The following GPR89A variants were observed in gnomAD, a reference collection of about 807,000 sequenced individuals.
The protein encoded by GPR89A is G protein-coupled receptor 89A.
A neutral mutation model predicts 52.0 loss-of-function variants in GPR89A; 16 were observed. The ratio of observed to expected loss-of-function variants is 0.31; its 90% CI spans 0.21 to 0.47. GPR89A has a LOEUF of 0.47. Among genes scored for constraint, GPR89A ranks in the 20% least tolerant of loss-of-function variants. The pLI, the probability that GPR89A is intolerant of heterozygous loss-of-function variation, is 1.00. For missense variants in GPR89A, 135 were observed against 449.4 expected, an observed-to-expected ratio of 0.30 and a Z score of 6.33; for synonymous variants, 55 against 150.9, an observed-to-expected ratio of 0.36 and a Z score of 4.66.
chr1:145,608,155 A>T lies in GPR89A; in HGVS notation c.22A>T (p.Ser8Cys), dbSNP rs587680156. The change falls in exon 1 of 14, where the codon AGC becomes TGC. Residue 8 changes from serine to cysteine, a missense_variant. Ser to Cys is a moderately radical substitution (Grantham distance 112, BLOSUM62 -1). Coordinates refer to ENST00000313835, the MANE Select transcript of GPR89A (RefSeq NM_001097612.2). ...CGCCATGAGTTTCCTCATCGACTCC[A>T]GCATCATGATTACCTCCCAGGTGAG... MSFLIDS[S>C]IMITSQILFF... The T allele has an allele frequency of 6.2e-7, 1 of 1,613,700 alleles. No individual in the cohort carries two copies. The highest frequency in any genetic ancestry group is 1.1e-5 in the South Asian group (1 of 91,078).
intron 3 of GPR89A, among the ~76,000 whole-genome samples, chr1:145,621,120 T>G (rs1433765561): frequency 7.1e-4 from 108 of 151,914 alleles, no homozygotes; most frequent in Non-Finnish European, 1.4e-3. Context: ...GCTCTTTGTT[T>G]CGTGATGCCT....
intron 1 of GPR89A, among the ~76,000 whole-genome samples, chr1:145,610,349 G>A (rs587639524): frequency 2.0e-5 from 3 of 152,140 alleles, no homozygotes; most frequent in Admixed American, 6.5e-5. Flanking sequence ...GGCTTTTCAG[G>A]TCCCTTATTG....
Position 145,659,325 on chromosome 1 carries a change from C to T in GPR89A, c.910-4004C>T, listed in dbSNP as rs1553695082. Among the ~76,000 whole-genome samples the T allele has an allele frequency of 2.0e-5, 3 of 152,046 alleles. No individual in the cohort carries two copies. In the East Asian group the frequency reaches 5.8e-4, roughly 30 times the overall value. On this transcript the variant is annotated intron_variant, in intron 10 of 13. Coordinates refer to ENST00000313835, the MANE Select transcript of GPR89A (RefSeq NM_001097612.2). ...TCAGCGTCCCAAGTAGCTGAGGTTA[C>T]AGGCGCATGCAACCACTCCCGGCTA...
chr1:145,640,272 GA>G (rs1179077991), intron 7 of GPR89A, among the ~76,000 whole-genome samples: 6 of 57,532 alleles, frequency 1.0e-4, no homozygotes, highest in African/African-American at 2.9e-4. Context: ...AAAACTTTCA[GA>G]AAAAAAAAAA....
intron 2 of GPR89A, 65 bp downstream of exon 2, chr1:145,616,358 A>T: frequency 7.5e-7 from 1 of 1,331,942 alleles, no homozygotes; most frequent in Non-Finnish European, 1.1e-6. Context: ...AAATGTCTCC[A>T]TTAAAGAAAC....
At chr1:145,658,989 G>A (rs1352952811) in intron 10 of GPR89A, among the ~76,000 whole-genome samples, 2 of 151,994 alleles carry the variant, frequency 1.3e-5, no homozygotes, top group Admixed American at 6.6e-5. Flanking sequence ...TGTTGGCCAG[G>A]CTGGTCTCAA....
chr1:145,642,366 G>C (rs1481444596), intron 7 of GPR89A, among the ~76,000 whole-genome samples: 1 of 151,658 alleles, frequency 6.6e-6, no homozygotes, highest in African/African-American at 2.4e-5. Flanking sequence ...TTACAAGTCA[G>C]AATCTCCCTA....
At chr1:145,637,894 G>T (rs1429189800) in intron 7 of GPR89A, among the ~76,000 whole-genome samples, 1 of 151,292 alleles carries the variant, frequency 6.6e-6, no homozygotes, top group Non-Finnish European at 1.5e-5. Flanking sequence ...AATTCAGGCT[G>T]GGCATGGTGG....
chr1:145,661,666 C>T (rs1652211646), intron 10 of GPR89A, among the ~76,000 whole-genome samples: 1 of 149,394 alleles, frequency 6.7e-6, no homozygotes, highest in Non-Finnish European at 1.5e-5. Flanking sequence ...TCATTGATTT[C>T]TGCTCTGGTC....
chr1:145,619,531 G>A (rs1648966053), intron 3 of GPR89A, among the ~76,000 whole-genome samples: 1 of 152,038 alleles, frequency 6.6e-6, no homozygotes, highest in Admixed American at 6.5e-5. Flanking sequence ...AGGATCCCTT[G>A]AGCCCAGGAG....
chr1:145,662,698 TC>T (rs1271616216), intron 10 of GPR89A, among the ~76,000 whole-genome samples: 2 of 152,182 alleles, frequency 1.3e-5, no homozygotes, highest in African/African-American at 2.4e-5. Flanking sequence ...GCTGTCACAC[TC>T]CAGTGGCAGA....
At chr1:145,635,074 C>G (rs1650131937) in intron 7 of GPR89A, among the ~76,000 whole-genome samples, 1 of 152,086 alleles carries the variant, frequency 6.6e-6, no homozygotes, top group Non-Finnish European at 1.5e-5. Context: ...GTAGTAAGAC[C>G]CATAGTCAAG....
intron 5 of GPR89A, among the ~76,000 whole-genome samples, chr1:145,624,466 T>C (rs1445317084): frequency 1.4e-5 from 2 of 148,136 alleles, no homozygotes; most frequent in African/African-American, 5.2e-5. Flanking sequence ...AGAGAGCCCA[T>C]CTGTAATAAA....
intron 10 of GPR89A, among the ~76,000 whole-genome samples, chr1:145,658,030 C>T (rs1171532634): frequency 2.0e-5 from 3 of 151,522 alleles, no homozygotes; most frequent in Non-Finnish European, 2.9e-5. Context: ...CTCCAATTCC[C>T]ACTCCCTCAG....
At position 145,608,067 on chromosome 1, in the gene GPR89A, G is replaced by C. The variant is rs1307010903; in HGVS notation, c.-67G>C. ...GAAGGCAGACCGTGTGAGGGGGCCT[G>C]TGGCCCCAGCGTGCTGTGGCCTCGG... On this transcript the variant is annotated 5_prime_UTR_variant, in exon 1 of 14. Transcript: ENST00000313835. The C allele has an allele frequency of 7.6e-6, 12 of 1,580,906 alleles. No homozygotes were observed. The highest frequency in any genetic ancestry group is 7.8e-6 in the Non-Finnish European group (9 of 1,151,542).
intron 1 of GPR89A, among the ~76,000 whole-genome samples, chr1:145,611,762 G>A (rs149671037): frequency 0.037 from 5,523 of 150,822 alleles, 318 homozygotes; most frequent in African/African-American, 0.13. Flanking sequence ...GTCTTCAGTC[G>A]TGGCTTCATA....
At chr1:145,628,798 C>T (rs879989060) in intron 5 of GPR89A, among the ~76,000 whole-genome samples, 2 of 152,094 alleles carry the variant, frequency 1.3e-5, no homozygotes, top group Admixed American at 1.3e-4. Context: ...AAGGAATGAA[C>T]TGGAGGTGAA....
At chr1:145,635,856 G>C (rs1444312494) in intron 7 of GPR89A, among the ~76,000 whole-genome samples, 1 of 152,206 alleles carries the variant, frequency 6.6e-6, no homozygotes, top group African/African-American at 2.4e-5. Flanking sequence ...CTACTTGGGA[G>C]GCTGAGGCAG....
intron 1 of GPR89A, chr1:145,608,801 T>G (rs1648029948): frequency 6.2e-6 from 1 of 161,416 alleles, no homozygotes; most frequent in African/African-American, 2.4e-5. Flanking sequence ...ATTGGCCACC[T>G]TCATTTGTTT....
Sources: gnomAD v4.1 joint callset for allele counts (sites outside exome capture counted in the v4.1 genomes callset) on GRCh38, gnomAD v4.1.1 for gene constraint, MANE v1.5 for transcripts, NCBI Gene and HGNC (gene_info 2026-07-23, HGNC 2026-07-21) for gene names.